Variants in CEP104 observed in about 807,000 individuals in gnomAD.
CEP104 encodes the protein centrosomal protein of 104 kDa.
A neutral mutation model predicts 113.3 loss-of-function variants in CEP104; 84 were observed. That is an observed-to-expected ratio of 0.74 (90% CI 0.62 to 0.89). The LOEUF is 0.89. Ranked by LOEUF, CEP104 falls within the 40% of genes least tolerant of loss-of-function variation. The pLI is 0.00. For missense variants in CEP104, 1,053 were observed against 1,156.6 expected, an observed-to-expected ratio of 0.91 and a Z score of 1.30; for synonymous variants, 378 against 421.7, an observed-to-expected ratio of 0.90 and a Z score of 1.27.
intron 7 of CEP104, 128 bp downstream of exon 7, chr1:3,839,480 G>T: frequency 1.2e-6 from 1 of 858,124 alleles, no homozygotes; most frequent in Non-Finnish European, 1.8e-6. Flanking sequence ...TTATTTTGCT[G>T]AGATCTTTGA....
In CEP104 at chr1:3,831,178, T is replaced by C. The variant is rs1158250487; in HGVS notation, c.1704A>G (p.Pro568=). The stretch of plus-strand genomic sequence containing the variant: ...CTTTCAATGGCTGCACCAGGTAGGA[T>C]GGAATAATTTGGAGAGACTTAACTT... ...FKEVKSLQII[P]SYLVQPLKAN... Residue 568 remains proline, a synonymous_variant, in exon 13 of 22, where the codon CCA becomes CCG. Transcript: ENST00000378230. The C allele has an allele frequency of 3.1e-6, 5 of 1,614,074 alleles. No individual in the cohort carries two copies. The highest frequency in any genetic ancestry group is 2.2e-5 in the East Asian group (1 of 44,894).
intron 14 of CEP104, 67 bp downstream of exon 14, chr1:3,829,724 C>T (rs1370506535): frequency 7.4e-6 from 11 of 1,481,272 alleles, no homozygotes; most frequent in African/African-American, 4.2e-5. Flanking sequence ...TACTTATTTA[C>T]GTACCGAGTA....
chr1:3,833,748 A>T, intron 12 of CEP104, 114 bp downstream of exon 12: 1 of 985,594 alleles, frequency 1.0e-6, no homozygotes. Flanking sequence ...TGAATCCCTG[A>T]GAATAATGTT....
In CEP104 at chr1:3,823,379, C is replaced by A; in HGVS notation, c.2503+45G>T. 6.2e-7 allele frequency: 1 copy of A among 1,613,810 alleles called. No individual in the cohort carries two copies. Among genetic ancestry groups the A allele is most frequent in the Non-Finnish European group, 8.5e-7 (1 of 1,179,686 alleles). ...AGCAGTGGCACTTCCTCCAAGAGGA[C>A]CCCTGGTGACCCGAGGGCACGGGAG... On this transcript the variant is annotated intron_variant, in intron 19 of 21. Transcript: ENST00000378230. The surrounding 1 kb of genome is among the most constrained non-coding windows in gnomAD (Gnocchi z 4.1).
In CEP104 at chr1:3,834,967, G is replaced by A. The variant is rs760092425; in HGVS notation, c.1443C>T (p.Ser481=). 8.1e-6 allele frequency: 13 copies of A among 1,609,056 alleles called. No homozygotes were observed. Among genetic ancestry groups the A allele is most frequent in the East Asian group, 2.2e-5 (1 of 44,764 alleles). ...TTATGGCTCTTCTAACGAGAAAGACGGATGCTCTCAGTGTGTTCTTTAAAT... is the reference window on the plus strand; with the variant it reads ...TTATGGCTCTTCTAACGAGAAAGACAGATGCTCTCAGTGTGTTCTTTAAAT... ...KEDLKNTLRA[S]VFLVRRAIKD... Residue 481 remains serine, a synonymous_variant, in exon 11 of 22, where the codon TCC becomes TCT. Coordinates refer to ENST00000378230, the MANE Select transcript of CEP104 (RefSeq NM_014704.4).
intron 15 of CEP104, among the ~76,000 whole-genome samples, chr1:3,826,969 C>T (rs1570784717): frequency 6.6e-6 from 1 of 150,956 alleles, no homozygotes; most frequent in Non-Finnish European, 1.5e-5. Context: ...GGCAACATGG[C>T]AAACAAAACC....
chr1:3,831,157 C>G lies in CEP104; in HGVS notation c.1725G>C (p.Leu575Phe), dbSNP rs1472605624. The G allele has an allele frequency of 6.2e-7, 1 of 1,614,232 alleles. No homozygotes were observed. Among genetic ancestry groups the G allele is most frequent in the Non-Finnish European group, 8.5e-7 (1 of 1,180,028 alleles). The stretch of plus-strand genomic sequence containing the variant: ...CCAGGTGAACTGAAGAGTTTGCTTT[C>G]AATGGCTGCACCAGGTAGGATGGAA... ...QIIPSYLVQP[L>F]KANSSVHLAM... Residue 575 changes from leucine to phenylalanine, a missense_variant, in exon 13 of 22, where the codon TTG becomes TTC. Coordinates refer to ENST00000378230, the MANE Select transcript of CEP104 (RefSeq NM_014704.4).
intron 1 of CEP104, among the ~76,000 whole-genome samples, chr1:3,853,799 CCA>C (rs1644660681): frequency 7.9e-6 from 1 of 125,990 alleles, no homozygotes; most frequent in African/African-American, 4.2e-5. Flanking sequence ...AAAAAGCCCC[CCA>C]GAACAGGATG....
chr1:3,825,159 TG>T (rs1482461089), intron 18 of CEP104, among the ~76,000 whole-genome samples: 1 of 145,512 alleles, frequency 6.9e-6, no homozygotes, highest in Non-Finnish European at 1.5e-5. Flanking sequence ...AGTGGCACTG[TG>T]GGAAGGGGGC....
chr1:3,829,694 G>T, intron 14 of CEP104, 97 bp downstream of exon 14: 1 of 1,287,134 alleles, frequency 7.8e-7, no homozygotes, highest in Non-Finnish European at 1.1e-6. Context: ...CATACATGTG[G>T]CTCCTTCAAA....
intron 20 of CEP104, among the ~76,000 whole-genome samples, chr1:3,820,858 T>C (rs1376146962): frequency 6.6e-6 from 1 of 152,170 alleles, no homozygotes; most frequent in Non-Finnish European, 1.5e-5. Flanking sequence ...CAAGGTGAAC[T>C]GGTCGCCTCC....
rs1329687554 is a variant in CEP104 at position 3,816,331 on chromosome 1, T to C, written c.2611A>G (p.Met871Val). ...AGAATGTGTGTCTTGCGCAGGTTCA[T>C]CGTGCAGCCGGCTGGGCCCATCAGG... ...AHLMGPAGCT[M>V]NLRKTHILQK... The change falls in exon 21 of 22, where the codon ATG (methionine) becomes GTG (valine). Residue 871 changes from methionine (M) to valine (V), a missense_variant. Physicochemically the swap from Met to Val is conservative, Grantham distance 21. Coordinates refer to ENST00000378230, the MANE Select transcript of CEP104 (RefSeq NM_014704.4). 2 of 1,553,522 alleles carry C rather than the reference T, an allele frequency of 1.3e-6. No homozygotes were observed. Among genetic ancestry groups the C allele is most frequent in the African/African-American group, 1.4e-5 (1 of 73,256 alleles).
chr1:3,841,103 T>C (rs1415851723), intron 6 of CEP104, among the ~76,000 whole-genome samples: 1 of 152,222 alleles, frequency 6.6e-6, no homozygotes, highest in Admixed American at 6.5e-5. Flanking sequence ...AGGATGAGGA[T>C]GGAAGTGTCC....
chr1:3,844,662 C>T (rs1644473191), intron 6 of CEP104, among the ~76,000 whole-genome samples: 1 of 127,152 alleles, frequency 7.9e-6, no homozygotes, highest in South Asian at 2.4e-4. Context: ...TGTGCCATTA[C>T]ACTCCGGCCT....
At chr1:3,824,610 C>T (rs190983515) in intron 18 of CEP104, among the ~76,000 whole-genome samples, 32 of 152,284 alleles carry the variant, frequency 2.1e-4, no homozygotes, top group Non-Finnish European at 3.4e-4. Context: ...CTCACATCCA[C>T]GTGTATAAAG....
chr1:3,828,195 A>G (rs1644130065), intron 15 of CEP104, among the ~76,000 whole-genome samples: 1 of 152,176 alleles, frequency 6.6e-6, no homozygotes, highest in Non-Finnish European at 1.5e-5. Context: ...ATGCTAGCTC[A>G]TGGCTGGAGG....
At chr1:3,847,775 T>C in intron 3 of CEP104, 162 bp from the exon 4 acceptor site, 1 of 675,816 alleles carries the variant, frequency 1.5e-6, no homozygotes, top group Non-Finnish European at 2.4e-6. Context: ...AAGCTAAGTC[T>C]AGAATGAAAA....
intron 7 of CEP104, among the ~76,000 whole-genome samples, 193 bp from the exon 8 acceptor site, chr1:3,839,312 T>C (rs1644372012): frequency 6.6e-6 from 1 of 152,058 alleles, no homozygotes; most frequent in African/African-American, 2.4e-5. Flanking sequence ...AGCTCATGGT[T>C]TGGTTATGAC....
At chr1:3,822,214 T>TGAGAGA (rs61301856) in intron 20 of CEP104, among the ~76,000 whole-genome samples, 2 of 151,700 alleles carry the variant, frequency 1.3e-5, no homozygotes, top group Admixed American at 6.6e-5. Flanking sequence ...TTTCAAACTC[T>TGAGAGA]GAGAGAGAGA....
Sources: allele counts gnomAD v4.1 joint callset (sites outside exome capture counted in the v4.1 genomes callset), GRCh38; gene constraint gnomAD v4.1.1; non-coding constraint Gnocchi (gnomAD v3.1); transcripts MANE v1.5; gene names NCBI Gene and HGNC (gene_info 2026-07-23, HGNC 2026-07-21).